MCEE: variants seen among roughly 807,000 people sequenced by gnomAD.
MCEE encodes methylmalonyl-CoA epimerase, mitochondrial.
Under a neutral mutation model 12.9 loss-of-function variants are expected in MCEE, and 6 were observed. The ratio of observed to expected loss-of-function variants is 0.47; its 90% CI spans 0.26 to 0.92. The LOEUF is 0.92. Ranked by LOEUF, MCEE falls within the 40% of genes least tolerant of loss-of-function variation. The pLI is 0.16. For synonymous variants in MCEE, 78 were observed against 77.9 expected (o/e 1.00, Z -0.01); for missense variants, 214 against 212.1 (o/e 1.01, Z -0.05).
intron 2 of MCEE, among the ~76,000 whole-genome samples, chr2:71,119,776 G>T (rs1022831533): frequency 6.7e-6 from 1 of 150,356 alleles, no homozygotes; most frequent in South Asian, 2.1e-4. Flanking sequence ...TTGTGCGGCT[G>T]AGCATGGTGG....
intron 1 of MCEE, chr2:71,129,971 G>A: frequency 1.6e-6 from 1 of 641,152 alleles, no homozygotes; most frequent in East Asian, 2.7e-5. Flanking sequence ...GATGGAAATG[G>A]GACTCATGCA....
rs1262092728 is a variant in MCEE at position 71,124,217 on chromosome 2, T to C, written c.367A>G (p.Ile123Val). The C allele has an allele frequency of 1.3e-5, 21 of 1,611,530 alleles. No homozygotes were observed. The highest frequency in any genetic ancestry group is 1.8e-5 in the Non-Finnish European group (21 of 1,177,660). The change falls in exon 2 of 3, where the codon ATC (isoleucine) becomes GTC (valine). Residue 123 changes from isoleucine (I) to valine (V), a missense_variant. By Grantham distance (29) the Ile-to-Val change is conservative. Coordinates refer to ENST00000244217, the MANE Select transcript of MCEE (RefSeq NM_032601.4). ...AATAATTAAAATACCTCGATGCAGA[T>C]GTGATGCATTCCTCCAGCCTTGTTT... ...QKNKAGGMHH[I>V]CIEVDNINAA... is the part of the protein sequence containing the mutation.
At chr2:71,110,144 G>A (rs1348558702) in intron 2 of MCEE, 22 bp from the exon 3 acceptor site, 1 of 1,605,150 alleles carries the variant, frequency 6.2e-7, no homozygotes, top group Non-Finnish European at 8.5e-7. Context: ...GAAATAAATT[G>A]AACACATTTG....
At chr2:71,114,350 TA>T (rs60308872) in intron 2 of MCEE, among the ~76,000 whole-genome samples, 129,451 of 150,210 alleles carry the variant, frequency 0.86, 55,884 homozygotes, top group East Asian at 1. Flanking sequence ...AAAATAAAAT[TA>T]AAAAAAAAAA....
chr2:71,116,073 C>T (rs186416761), intron 2 of MCEE, among the ~76,000 whole-genome samples: 1 of 149,958 alleles, frequency 6.7e-6, no homozygotes, highest in Admixed American at 6.6e-5. Flanking sequence ...TAGTGAAAAT[C>T]GGGGCTATTT....
chr2:71,109,801 A>C lies in MCEE; in HGVS notation c.*169T>G. 4.8e-6 allele frequency: 2 copies of C among 412,924 alleles called. No individual in the cohort carries two copies. The highest frequency in any genetic ancestry group is 8.4e-6 in the Non-Finnish European group (2 of 238,894). The allele number at this position is 412,924 out of a possible 1,614,324, so 25.6% of individuals were successfully genotyped here. A position where few individuals can be genotyped will look rare whatever the true frequency, so the allele number is the denominator to read the frequency against. On this transcript the variant is annotated 3_prime_UTR_variant, in exon 3 of 3. Coordinates refer to ENST00000244217, the MANE Select transcript of MCEE (RefSeq NM_032601.4). ...ATATGTTTGTTAATCTAAATAATAT[A>C]CATATTTATGTATTTATATATGTAT...
intron 2 of MCEE, among the ~76,000 whole-genome samples, chr2:71,120,406 T>C (rs1010434514): frequency 9.3e-5 from 14 of 150,146 alleles, no homozygotes; most frequent in African/African-American, 2.8e-4. Context: ...CAGTGGGTGA[T>C]TCAGTCCATA....
chr2:71,110,988 A>C (rs1375949300), intron 2 of MCEE: 1 of 152,224 alleles, frequency 6.6e-6, no homozygotes, highest in Admixed American at 6.5e-5. Context: ...TTTAACACCC[A>C]TGTACCTACC....
intron 2 of MCEE, among the ~76,000 whole-genome samples, chr2:71,115,013 T>C (rs937328415): frequency 6.6e-6 from 1 of 152,210 alleles, no homozygotes; most frequent in Non-Finnish European, 1.5e-5. Context: ...AGTACAAGTA[T>C]CTATAATTTT....
chr2:71,109,996 C>G lies in MCEE; in HGVS notation c.505G>C (p.Val169Leu), dbSNP rs1356110599. The G allele has an allele frequency of 1.2e-6, 2 of 1,613,636 alleles. No homozygotes were observed. The highest frequency in any genetic ancestry group is 1.7e-6 in the Non-Finnish European group (2 of 1,179,846). Residue 169 changes from valine (V) to leucine (L), a missense_variant, in exon 3 of 3, where the codon GTC becomes CTC. Coordinates refer to ENST00000244217, the MANE Select transcript of MCEE (RefSeq NM_032601.4). ...IFLHPKDCGG[V>L]LVELEQA ...CAAGCTTGCTCCAGTTCCACAAGGA[C>G]TCCACCACAGTCTTTAGGATGGAGA...
chr2:71,117,158 G>C (rs1259743886), intron 2 of MCEE, among the ~76,000 whole-genome samples: 1 of 150,528 alleles, frequency 6.6e-6, no homozygotes, highest in South Asian at 2.1e-4. Context: ...TCTGGATTAA[G>C]TATTTGTTGT....
At chr2:71,120,352 C>CG (rs2103630489) in intron 2 of MCEE, among the ~76,000 whole-genome samples, 1 of 150,092 alleles carries the variant, frequency 6.7e-6, no homozygotes, top group South Asian at 2.1e-4. Context: ...CTCTTGCCAT[C>CG]GCAGGCAGCA....
chr2:71,114,732 T>G (rs1157906630), intron 2 of MCEE, among the ~76,000 whole-genome samples: 2 of 152,228 alleles, frequency 1.3e-5, no homozygotes, highest in Non-Finnish European at 2.9e-5. Context: ...TGGTTATTTT[T>G]GTATTTCTTA....
chr2:71,122,174 A>G (rs1673112476), intron 2 of MCEE, among the ~76,000 whole-genome samples: 1 of 152,194 alleles, frequency 6.6e-6, no homozygotes, highest in African/African-American at 2.4e-5. Flanking sequence ...CATTCAGGCT[A>G]GAGTGCAGTG....
intron 2 of MCEE, among the ~76,000 whole-genome samples, chr2:71,119,936 G>A (rs542058857): frequency 6.7e-5 from 10 of 149,604 alleles, no homozygotes; most frequent in Admixed American, 4.6e-4. Flanking sequence ...GCCTGTAGCC[G>A]TAGCTACTCA....
chr2:71,115,674 T>C (rs1672976285), intron 2 of MCEE, among the ~76,000 whole-genome samples: 1 of 149,954 alleles, frequency 6.7e-6, no homozygotes, highest in Non-Finnish European at 1.5e-5. Flanking sequence ...TAAGTAAGGA[T>C]GAAAGTAACA....
intron 1 of MCEE, among the ~76,000 whole-genome samples, chr2:71,126,447 C>T (rs898645423): frequency 6.1e-4 from 93 of 151,812 alleles, no homozygotes; most frequent in African/African-American, 1.8e-3. Context: ...AGGCTGGTCT[C>T]GAACTCCTGA....
At chr2:71,126,005 T>G (rs536642013) in intron 1 of MCEE, among the ~76,000 whole-genome samples, 1 of 152,008 alleles carries the variant, frequency 6.6e-6, no homozygotes, top group East Asian at 2.0e-4. Flanking sequence ...TGAGCCACCA[T>G]GCCTGGCTAA....
At chr2:71,125,211 A>ATATATATATATATATTTTT in intron 1 of MCEE, among the ~76,000 whole-genome samples, 2 of 48,610 alleles carry the variant, frequency 4.1e-5, no homozygotes, top group African/African-American at 1.2e-4. Flanking sequence ...ATATATATAT[A>ATATATATATATATATTTTT]TTTTTTTTTT....
Sources: gnomAD v4.1 joint callset for allele counts (sites outside exome capture counted in the v4.1 genomes callset) on GRCh38, gnomAD v4.1.1 for gene constraint, MANE v1.5 for transcripts, NCBI Gene and HGNC (gene_info 2026-07-23, HGNC 2026-07-21) for gene names.